PTPRD: variants seen among roughly 807,000 people sequenced by gnomAD.
PTPRD encodes the protein protein tyrosine phosphatase receptor type D, also known as receptor-type tyrosine-protein phosphatase delta.
Under a neutral mutation model 214.5 loss-of-function variants are expected in PTPRD, and 34 were observed. The ratio of observed to expected loss-of-function variants is 0.16; its 90% CI spans 0.12 to 0.21. The LOEUF is 0.21. Ranked by LOEUF, PTPRD falls within the 10% of genes least tolerant of loss-of-function variation. PTPRD has a pLI of 1.00. For missense variants in PTPRD, 2,545 were observed against 2,398.7 expected (o/e 1.06, Z -1.27); for synonymous variants, 1,128 against 845.7 (o/e 1.33, Z -5.79).
chr9:10,584,225 T>G (rs192308468), intron 2 of PTPRD, among the ~76,000 whole-genome samples: 1 of 152,150 alleles, frequency 6.6e-6, no homozygotes, highest in Admixed American at 6.5e-5. Flanking sequence ...CTCTTATCTC[T>G]TTCTTCCTTG....
rs184606363 is a variant in PTPRD, at chr9:10,533,435, T to C, written c.-600+78963A>G. ...TGTAGATGAGAAAATTCTTTGGAGA[T>C]GAAATTTACAATCATAGAGTGGGTA... On this transcript the variant is annotated intron_variant, in intron 2 of 45. Coordinates refer to ENST00000381196, the MANE Select transcript of PTPRD (RefSeq NM_002839.4). Among the ~76,000 whole-genome samples, 491 of 152,218 alleles carry C rather than the reference T, an allele frequency of 3.2e-3. 6 individuals are homozygous for C. Among genetic ancestry groups the C allele is most frequent in the African/African-American group, 0.011 (474 of 41,568 alleles).
chr9:8,760,424 T>A (rs1025535184), intron 11 of PTPRD, among the ~76,000 whole-genome samples: 1 of 152,262 alleles, frequency 6.6e-6, no homozygotes, highest in Non-Finnish European at 1.5e-5. Flanking sequence ...TTCTTTGTTA[T>A]GAATTCACTA....
intron 10 of PTPRD, among the ~76,000 whole-genome samples, chr9:9,153,878 G>C (rs1017762439): frequency 2.6e-5 from 4 of 152,130 alleles, no homozygotes; most frequent in African/African-American, 7.2e-5. Context: ...CTATTAAAAA[G>C]TATCTGATTT....
intron 9 of PTPRD, among the ~76,000 whole-genome samples, chr9:9,335,280 C>A (rs377550522): frequency 6.6e-6 from 1 of 152,048 alleles, no homozygotes; most frequent in East Asian, 1.9e-4. Flanking sequence ...CATCACCAAT[C>A]TGATCATTCT....
intron 2 of PTPRD, among the ~76,000 whole-genome samples, chr9:10,490,716 C>T (rs538188609): frequency 6.6e-6 from 1 of 152,126 alleles, no homozygotes; most frequent in East Asian, 1.9e-4. Flanking sequence ...AGTTTTTATC[C>T]ATGCATAAGG....
chr9:9,405,529 A>G (rs1433082133), intron 8 of PTPRD, among the ~76,000 whole-genome samples: 1 of 152,060 alleles, frequency 6.6e-6, no homozygotes, highest in Non-Finnish European at 1.5e-5. Context: ...GCTCTGGGGC[A>G]TGCTTTATAA....
chr9:8,571,649 T>C lies in PTPRD; in HGVS notation c.353-42870A>G, dbSNP rs1386934653. ...CATATTAGAATTTATCCTAAATACC[T>C]CACTTTCAGATTTAGAAAAACAATA... On this transcript the variant is annotated intron_variant, in intron 14 of 45. Transcript: ENST00000381196. Among the ~76,000 whole-genome samples the C allele has an allele frequency of 2.6e-5, 4 of 152,120 alleles. No homozygotes were observed. The East Asian group carries it at 5.8e-4, about 22-fold the overall frequency.
intron 7 of PTPRD, among the ~76,000 whole-genome samples, chr9:9,670,593 G>C (rs557537934): frequency 3.9e-5 from 6 of 152,184 alleles, no homozygotes; most frequent in Admixed American, 3.9e-4. Flanking sequence ...AGGAGAAAAT[G>C]GTTCTGTGGG....
At chr9:9,522,266 T>C (rs148983787) in intron 8 of PTPRD, among the ~76,000 whole-genome samples, 1 of 152,246 alleles carries the variant, frequency 6.6e-6, no homozygotes, top group East Asian at 1.9e-4. Flanking sequence ...CATGTATTTA[T>C]TAGTTTGCTG....
chr9:8,335,726 T>C (rs147739448), intron 43 of PTPRD, among the ~76,000 whole-genome samples: 5,812 of 152,258 alleles, frequency 0.038, 174 homozygotes, highest in South Asian at 0.16. Context: ...GATGACATGA[T>C]TGTATATTTA....
chr9:8,987,363 A>G (rs1314145107), intron 11 of PTPRD, among the ~76,000 whole-genome samples: 1 of 152,056 alleles, frequency 6.6e-6, no homozygotes, highest in Admixed American at 6.6e-5. Context: ...AAATATTTCC[A>G]GCAGGAGCAT....
intron 22 of PTPRD, 150 bp downstream of exon 22, chr9:8,507,151 G>A (rs2039754890): frequency 3.7e-6 from 3 of 805,122 alleles, no homozygotes; most frequent in Non-Finnish European, 3.6e-6. Context: ...TTGGGGGGGA[G>A]GGGGAGTCAA....
At chr9:8,776,378 C>T (rs12352033) in intron 11 of PTPRD, among the ~76,000 whole-genome samples, 2,680 of 152,240 alleles carry the variant, frequency 0.018, 79 homozygotes, top group African/African-American at 0.06. Flanking sequence ...TCTTGGCTCA[C>T]TGCAGTATTG....
chr9:10,482,295 C>T (rs944719940), intron 2 of PTPRD, among the ~76,000 whole-genome samples: 15 of 151,910 alleles, frequency 9.9e-5, no homozygotes, highest in East Asian at 1.9e-4. Context: ...GGCATGAACC[C>T]GGGAGGTGGA....
intron 11 of PTPRD, among the ~76,000 whole-genome samples, chr9:8,937,080 T>G (rs1004345179): frequency 9.5e-5 from 1 of 10,552 alleles, no homozygotes; most frequent in African/African-American, 1.1e-4. Flanking sequence ...AGAATAGAAA[T>G]GGTAGTTTTT....
chr9:8,857,647 T>A (rs886717157), intron 11 of PTPRD: 1 of 157,046 alleles, frequency 6.4e-6, no homozygotes, highest in Non-Finnish European at 1.4e-5. Context: ...CCTGGTCATG[T>A]TGGCCCCGGG....
chr9:10,033,676 A>C (rs1330551877), intron 4 of PTPRD, 42 bp downstream of exon 4: 1 of 152,074 alleles, frequency 6.6e-6, no homozygotes, highest in East Asian at 1.9e-4. Flanking sequence ...GACTGTATTA[A>C]ATTGAGCATT....
chr9:9,286,870 CTGAATATATATATA>C (rs1949557234), intron 9 of PTPRD, among the ~76,000 whole-genome samples: 1 of 73,946 alleles, frequency 1.4e-5, no homozygotes, highest in Non-Finnish European at 2.8e-5. Flanking sequence ...CTTGAAACTA[CTGAATATATATATA>C]TATATATATA....
chr9:9,548,603 T>C (rs2079415321), intron 8 of PTPRD, among the ~76,000 whole-genome samples: 1 of 151,876 alleles, frequency 6.6e-6, no homozygotes, highest in Admixed American at 6.6e-5. Context: ...TTCACCATGC[T>C]GGCCAGGCTG....
Sources: allele counts gnomAD v4.1 joint callset (sites outside exome capture counted in the v4.1 genomes callset), GRCh38; gene constraint gnomAD v4.1.1; transcripts MANE v1.5; gene names NCBI Gene and HGNC (gene_info 2026-07-23, HGNC 2026-07-21).